The following MYO16 variants were observed in gnomAD, a reference collection of about 807,000 sequenced individuals.
The protein encoded by MYO16 is unconventional myosin-XVI.
Under a neutral mutation model 205.3 loss-of-function variants are expected in MYO16, and 94 were observed. The observed-to-expected ratio is 0.46, with a 90% CI of 0.39 to 0.54. The LOEUF (loss-of-function observed/expected upper bound fraction) is 0.54, where lower values mean the gene tolerates loss of function less well. MYO16 is among the 20% of genes least tolerant of loss of function. MYO16 has a pLI of 0.00. For synonymous variants in MYO16, 988 were observed against 954.0 expected, an observed-to-expected ratio of 1.04 and a Z score of -0.66; for missense variants, 2,315 against 2,387.5, an observed-to-expected ratio of 0.97 and a Z score of 0.63.
chr13:108,621,663 T>A (rs1026573920), intron 1 of MYO16, among the ~76,000 whole-genome samples: 6 of 152,262 alleles, frequency 3.9e-5, no homozygotes, highest in African/African-American at 1.4e-4. Flanking sequence ...CTGAAGCAGA[T>A]GATCCTCTCT....
chr13:108,917,032 CAGAAACTCGAAT>C (rs1566410037), intron 16 of MYO16, among the ~76,000 whole-genome samples: 1 of 1,000 alleles, frequency 1.0e-3, no homozygotes, highest in African/African-American at 4.2e-3. Context: ...ATGTGAGATG[CAGAAACTCGAAT>C]GTGAGATGCA....
chr13:108,725,763 C>G (rs1380294396), intron 3 of MYO16, among the ~76,000 whole-genome samples: 1 of 152,094 alleles, frequency 6.6e-6, no homozygotes, highest in East Asian at 1.9e-4. Flanking sequence ...CTCTGTGCAG[C>G]TTTGTCCTCT....
intron 4 of MYO16, among the ~76,000 whole-genome samples, chr13:108,736,216 G>T (rs1269782215): frequency 6.6e-6 from 1 of 152,116 alleles, no homozygotes; most frequent in South Asian, 2.1e-4. Context: ...TGAAGTCCTT[G>T]CCCATGCCTA....
At chr13:108,849,262 C>T (rs1410372320) in intron 10 of MYO16, among the ~76,000 whole-genome samples, 1 of 152,170 alleles carries the variant, frequency 6.6e-6, no homozygotes, top group Non-Finnish European at 1.5e-5. Context: ...GCCATCTCAG[C>T]TCACTGCAAC....
chr13:109,163,848 G>A (rs987115809), intron 32 of MYO16: 3 of 152,214 alleles, frequency 2.0e-5, no homozygotes, highest in African/African-American at 7.2e-5. Context: ...TGGGATTGGG[G>A]TGGTAATACA....
chr13:108,800,057 T>G (rs573369610), intron 6 of MYO16, among the ~76,000 whole-genome samples: 3 of 152,268 alleles, frequency 2.0e-5, no homozygotes, highest in East Asian at 3.9e-4. Context: ...GTACCAGGTC[T>G]GGGTGATGCG....
intron 1 of MYO16, among the ~76,000 whole-genome samples, chr13:108,646,485 A>G (rs1009508309): frequency 1.3e-5 from 2 of 152,240 alleles, no homozygotes; most frequent in Non-Finnish European, 2.9e-5. Flanking sequence ...TCTTCAACTC[A>G]TGATTAAGCA....
chr13:108,752,173 G>T (rs982921916), intron 4 of MYO16, among the ~76,000 whole-genome samples: 1 of 152,198 alleles, frequency 6.6e-6, no homozygotes, highest in African/African-American at 2.4e-5. Context: ...AATTTAAAAT[G>T]TATTTTTAAA....
the MYO16 span, among the ~76,000 whole-genome samples, chr13:108,556,154 A>G: frequency 1.3e-5 from 2 of 152,056 alleles, no homozygotes; most frequent in Non-Finnish European, 2.9e-5. Flanking sequence ...TTGGATATAT[A>G]TCTGGTAGTA....
At chr13:108,902,603 G>C (rs540756363) in intron 15 of MYO16, among the ~76,000 whole-genome samples, 1 of 152,260 alleles carries the variant, frequency 6.6e-6, no homozygotes, top group South Asian at 2.1e-4. Context: ...TGACCTCTCT[G>C]GGGGGACCTC....
intron 23 of MYO16, 21 bp downstream of exon 23, chr13:109,019,932 A>G (rs1885966755): frequency 5.0e-6 from 8 of 1,609,030 alleles, no homozygotes; most frequent in Non-Finnish European, 6.8e-6. Context: ...AGAACTGCAT[A>G]ATTTTTCATG....
chr13:108,718,859 G>A (rs1234246971), intron 3 of MYO16, among the ~76,000 whole-genome samples: 3 of 152,052 alleles, frequency 2.0e-5, no homozygotes, highest in Admixed American at 6.5e-5. Flanking sequence ...GAAGAGAATC[G>A]TAACCTTGAC....
intron 34 of MYO16, among the ~76,000 whole-genome samples, chr13:109,193,760 AC>A (rs1318303976): frequency 6.6e-6 from 1 of 151,948 alleles, no homozygotes; most frequent in Non-Finnish European, 1.5e-5. Context: ...CCTAGGCCTT[AC>A]CTCCTTTCCT....
chr13:108,578,166 C>T, the MYO16 span, among the ~76,000 whole-genome samples: 5 of 152,170 alleles, frequency 3.3e-5, no homozygotes, highest in Admixed American at 6.5e-5. Context: ...CATATTTATT[C>T]GACACATAAA....
At chr13:108,609,671 T>A (rs60876375) in intron 1 of MYO16, among the ~76,000 whole-genome samples, 2,630 of 152,266 alleles carry the variant, frequency 0.017, 85 homozygotes, top group African/African-American at 0.06. Context: ...ATTTAAAAAA[T>A]TTTAAAAATA....
chr13:108,728,522 C>T (rs13378875), intron 4 of MYO16, among the ~76,000 whole-genome samples: 1 of 152,100 alleles, frequency 6.6e-6, no homozygotes, highest in South Asian at 2.1e-4. Context: ...GCCGTGCTCC[C>T]CCTGTAGGCC....
intron 17 of MYO16, 36 bp from the exon 18 acceptor site, chr13:108,961,503 C>T: frequency 6.5e-7 from 1 of 1,534,660 alleles, no homozygotes; most frequent in Non-Finnish European, 9.0e-7. Flanking sequence ...TTCTTCTAAG[C>T]ACCCTATTCA....
At chr13:108,985,109 T>A (rs1409494165) in intron 20 of MYO16, among the ~76,000 whole-genome samples, 2 of 152,226 alleles carry the variant, frequency 1.3e-5, no homozygotes, top group South Asian at 4.1e-4. Context: ...CTCATTTTTT[T>A]AAAAGAATGT....
chr13:108,591,238 C>G (rs1878391124), upstream of MYO16, among the ~76,000 whole-genome samples: 1 of 152,164 alleles, frequency 6.6e-6, no homozygotes, highest in Non-Finnish European at 1.5e-5. Context: ...TCTGGGGCAT[C>G]AGGAGGTGCT....
Sources: gnomAD v4.1 joint callset for allele counts (sites outside exome capture counted in the v4.1 genomes callset) on GRCh38, gnomAD v4.1.1 for gene constraint, MANE v1.5 for transcripts, NCBI Gene and HGNC (gene_info 2026-07-23, HGNC 2026-07-21) for gene names.